The following GHR variants were observed in gnomAD, a reference collection of about 807,000 sequenced individuals.
The protein encoded by GHR is GH receptor.
GHR carries 35 observed loss-of-function variants against 67.1 expected under a neutral mutation model. That is an observed-to-expected ratio of 0.52 (90% CI 0.40 to 0.69). The LOEUF is 0.69. GHR is among the 30% of genes least tolerant of loss of function. The pLI is 0.00. For synonymous variants in GHR, 272 were observed against 269.1 expected, an observed-to-expected ratio of 1.01 and a Z score of -0.10; for missense variants, 792 against 764.6, an observed-to-expected ratio of 1.04 and a Z score of -0.42.
intron 3 of GHR, among the ~76,000 whole-genome samples, chr5:42,637,639 C>A (rs1316170011): frequency 6.6e-6 from 1 of 152,116 alleles, no homozygotes; most frequent in Admixed American, 6.5e-5. Flanking sequence ...TGATTTTGTT[C>A]TTTTTTATGG....
intron 1 of GHR, among the ~76,000 whole-genome samples, chr5:42,542,560 A>G (rs1561108952): frequency 6.6e-6 from 1 of 152,178 alleles, no homozygotes; most frequent in Non-Finnish European, 1.5e-5. Context: ...AGATAATTTT[A>G]GTGCACACTT....
intron 3 of GHR, among the ~76,000 whole-genome samples, chr5:42,644,466 A>G (rs1754631493): frequency 6.6e-6 from 1 of 152,132 alleles, no homozygotes; most frequent in South Asian, 2.1e-4. Flanking sequence ...AAGAAGAGAG[A>G]GGGAGAATCA....
intron 1 of GHR, among the ~76,000 whole-genome samples, chr5:42,480,375 T>C (rs1325047794): frequency 6.6e-6 from 1 of 152,144 alleles, no homozygotes; most frequent in Non-Finnish European, 1.5e-5. Context: ...TGATTTGGGG[T>C]GGAGAGTTCT....
At chr5:42,567,654 G>T (rs1750018658) in intron 2 of GHR, among the ~76,000 whole-genome samples, 1 of 151,356 alleles carries the variant, frequency 6.6e-6, no homozygotes, top group Non-Finnish European at 1.5e-5. Flanking sequence ...TTTGGAATAT[G>T]TGCATATTCC....
At chr5:42,688,129 T>C (rs747590509) in intron 3 of GHR, among the ~76,000 whole-genome samples, 2 of 152,196 alleles carry the variant, frequency 1.3e-5, no homozygotes, top group African/African-American at 4.8e-5. Context: ...AATGCAAACA[T>C]AAGTGCCTTT....
At chr5:42,444,606 T>C (rs1038508807) in intron 1 of GHR, among the ~76,000 whole-genome samples, 2 of 152,224 alleles carry the variant, frequency 1.3e-5, no homozygotes, top group Non-Finnish European at 2.9e-5. Context: ...CTGAGCCCAG[T>C]ATTCAGAATC....
rs534564924 is a variant in GHR, at chr5:42,502,541, G to A, written c.-11-63323G>A. Among the ~76,000 whole-genome samples the A allele has an allele frequency of 8.6e-5, 13 of 151,988 alleles. No homozygotes were observed. The South Asian group carries it at 2.7e-3, about 32-fold the overall frequency. The stretch of plus-strand genomic sequence containing the variant: ...TATGCCTACTAAATAAATTATGGTT[G>A]GAACTTGAAAGGAATAATGGCTTAA... On this transcript the variant is annotated intron_variant, in intron 1 of 9. Coordinates refer to ENST00000230882, the MANE Select transcript of GHR (RefSeq NM_000163.5).
chr5:42,553,165 A>G (rs1484754768), intron 1 of GHR, among the ~76,000 whole-genome samples: 1 of 152,180 alleles, frequency 6.6e-6, no homozygotes, highest in South Asian at 2.1e-4. Context: ...ATACCCATTT[A>G]TTGTCCCACA....
At chr5:42,518,144 ATAT>A (rs1747322796) in intron 1 of GHR, among the ~76,000 whole-genome samples, 1 of 148,568 alleles carries the variant, frequency 6.7e-6, no homozygotes, top group African/African-American at 2.4e-5. Context: ...TAATTAATAT[ATAT>A]TATTATATAA....
At chr5:42,687,802 T>C (rs1371651143) in intron 3 of GHR, among the ~76,000 whole-genome samples, 5 of 152,026 alleles carry the variant, frequency 3.3e-5, no homozygotes. Flanking sequence ...GAGTTTTAGA[T>C]TAAGTTTACA....
intron 3 of GHR, among the ~76,000 whole-genome samples, chr5:42,649,848 T>C (rs560223949): frequency 6.6e-6 from 1 of 152,310 alleles, no homozygotes; most frequent in East Asian, 1.9e-4. Context: ...AAACAAGGAT[T>C]TGGTTTAACT....
At chr5:42,658,663 C>A (rs897479054) in intron 3 of GHR, among the ~76,000 whole-genome samples, 1 of 151,992 alleles carries the variant, frequency 6.6e-6, no homozygotes, top group African/African-American at 2.4e-5. Flanking sequence ...CCCCAGGGGA[C>A]ATTTGGCAAT....
chr5:42,484,984 C>T (rs752379022), intron 1 of GHR, among the ~76,000 whole-genome samples: 6 of 152,166 alleles, frequency 3.9e-5, no homozygotes, highest in African/African-American at 7.2e-5. Flanking sequence ...TACTTTACGG[C>T]CAGGCAGGAA....
chr5:42,663,614 T>C (rs1211147972), intron 3 of GHR, among the ~76,000 whole-genome samples: 1 of 152,198 alleles, frequency 6.6e-6, no homozygotes, highest in Non-Finnish European at 1.5e-5. Context: ...AAGAGCTATA[T>C]ATGACAAACC....
chr5:42,515,507 AG>A, intron 1 of GHR, among the ~76,000 whole-genome samples: 1 of 152,328 alleles, frequency 6.6e-6, no homozygotes, highest in Middle Eastern at 3.4e-3. Context: ...GTTGTTCTAG[AG>A]GAAAGAAGAG....
intron 3 of GHR, among the ~76,000 whole-genome samples, chr5:42,680,989 G>C (rs1050191920): frequency 4.9e-4 from 74 of 151,846 alleles, no homozygotes; most frequent in African/African-American, 1.7e-3. Context: ...TAAATGTTAG[G>C]CCTAAAACCA....
chr5:42,505,814 A>G (rs950466589), intron 1 of GHR, among the ~76,000 whole-genome samples: 1 of 152,180 alleles, frequency 6.6e-6, no homozygotes, highest in African/African-American at 2.4e-5. Flanking sequence ...ATTATTATTT[A>G]TTGGACATAT....
Position 42,467,497 on chromosome 5 carries a change from T to C in GHR, c.-12+43542T>C, listed in dbSNP as rs1033625262. The C allele has an allele frequency of 9.3e-6, 10 of 1,080,236 alleles. No homozygotes were observed. The African/African-American group carries it at 1.6e-4, about 17-fold the overall frequency. The allele number at this position is 1,080,236 out of a possible 1,614,324, so 66.9% of individuals were successfully genotyped here. A position where few individuals can be genotyped will look rare whatever the true frequency, so the allele number is the denominator to read the frequency against. Reference sequence around the variant, plus strand: ...TTTTTCTGTAATGTGGAGTTTCTGGTGCCGAGCAAGTTGTGAGCTATAACT... The same window carrying C: ...TTTTTCTGTAATGTGGAGTTTCTGGCGCCGAGCAAGTTGTGAGCTATAACT... On this transcript the variant is annotated intron_variant, in intron 1 of 9. Coordinates refer to ENST00000230882, the MANE Select transcript of GHR (RefSeq NM_000163.5).
intron 1 of GHR, among the ~76,000 whole-genome samples, chr5:42,522,145 G>A (rs550034655): frequency 6.6e-6 from 1 of 152,156 alleles, no homozygotes; most frequent in African/African-American, 2.4e-5. Flanking sequence ...TCTGTTAAAG[G>A]GACACAGATT....
Sources: allele counts gnomAD v4.1 joint callset (sites outside exome capture counted in the v4.1 genomes callset), GRCh38; gene constraint gnomAD v4.1.1; transcripts MANE v1.5; gene names NCBI Gene and HGNC (gene_info 2026-07-23, HGNC 2026-07-21).